The following NOL4 variants were observed in gnomAD, a reference collection of about 807,000 sequenced individuals.
The protein encoded by NOL4 is cancer/testis antigen 125.
In NOL4, 17 loss-of-function variants were observed where a neutral mutation model predicts 75.9. The observed-to-expected ratio is 0.22, with a 90% CI of 0.15 to 0.34. The LOEUF is 0.34. NOL4 is among the 10% of genes least tolerant of loss of function. The pLI is 1.00. For missense variants in NOL4, 614 were observed against 793.5 expected, an observed-to-expected ratio of 0.77 and a Z score of 2.72; for synonymous variants, 292 against 289.9, an observed-to-expected ratio of 1.01 and a Z score of -0.07.
At chr18:33,953,807 A>G (rs2069429099) in intron 8 of NOL4, among the ~76,000 whole-genome samples, 1 of 152,194 alleles carries the variant, frequency 6.6e-6, no homozygotes, top group Non-Finnish European at 1.5e-5. Context: ...GTACTTTGAG[A>G]ATAGGACACT....
At chr18:33,882,795 T>C (rs1382580591) in intron 10 of NOL4, among the ~76,000 whole-genome samples, 1 of 151,942 alleles carries the variant, frequency 6.6e-6, no homozygotes, top group African/African-American at 2.4e-5. Flanking sequence ...AGCAAAGAAT[T>C]GGAACCAACC....
chr18:34,103,879 G>T (rs2079149257), intron 4 of NOL4, among the ~76,000 whole-genome samples, 168 bp downstream of exon 4: 1 of 152,002 alleles, frequency 6.6e-6, no homozygotes, highest in African/African-American at 2.4e-5. Flanking sequence ...CTGTATTGTG[G>T]ACTAGGAGTT....
chr18:34,028,622 G>T (rs1031130237), intron 5 of NOL4, among the ~76,000 whole-genome samples: 12 of 152,134 alleles, frequency 7.9e-5, no homozygotes, highest in Non-Finnish European at 1.6e-4. Flanking sequence ...TTCATCTCTT[G>T]GAATTTGAAC....
chr18:33,863,357 C>T (rs1237039547), intron 10 of NOL4, among the ~76,000 whole-genome samples: 5 of 152,022 alleles, frequency 3.3e-5, no homozygotes, highest in African/African-American at 1.2e-4. Flanking sequence ...ACCAGCATGT[C>T]ACATGTATAC....
chr18:34,014,851 C>A (rs985350448), intron 6 of NOL4, among the ~76,000 whole-genome samples: 7 of 152,006 alleles, frequency 4.6e-5, no homozygotes, highest in Non-Finnish European at 1.0e-4. Flanking sequence ...ATGACATAGT[C>A]CAACTCAACT....
At chr18:33,928,558 C>T (rs2067484438) in intron 9 of NOL4, among the ~76,000 whole-genome samples, 1 of 152,122 alleles carries the variant, frequency 6.6e-6, no homozygotes, top group Non-Finnish European at 1.5e-5. Context: ...AAGCCATCTA[C>T]ATGTCTCACA....
chr18:34,021,841 C>T (rs989754736), intron 5 of NOL4, among the ~76,000 whole-genome samples: 6 of 151,932 alleles, frequency 3.9e-5, no homozygotes, highest in African/African-American at 9.7e-5. Context: ...ACAGGCTGGG[C>T]GCGGTGGCTC....
At chr18:33,910,323 C>A (rs2066321016) in intron 9 of NOL4, among the ~76,000 whole-genome samples, 1 of 152,076 alleles carries the variant, frequency 6.6e-6, no homozygotes, top group Non-Finnish European at 1.5e-5. Context: ...TCTAGGGTTT[C>A]AAATCAGTGA....
At chr18:34,126,420 A>G (rs115420661) in intron 2 of NOL4, among the ~76,000 whole-genome samples, 1 of 152,294 alleles carries the variant, frequency 6.6e-6, no homozygotes, top group African/African-American at 2.4e-5. Flanking sequence ...AGTAATACAT[A>G]TAAGTTTACA....
intron 9 of NOL4, among the ~76,000 whole-genome samples, chr18:33,928,295 C>A (rs2067467899): frequency 6.6e-6 from 1 of 152,090 alleles, no homozygotes; most frequent in Admixed American, 6.6e-5. Context: ...CTACTTGTAT[C>A]CTGCTGATTA....
intron 6 of NOL4, among the ~76,000 whole-genome samples, chr18:33,975,463 C>G (rs1421067845): frequency 6.6e-6 from 1 of 152,198 alleles, no homozygotes; most frequent in Non-Finnish European, 1.5e-5. Flanking sequence ...ACTGAGCTCA[C>G]TATTCACAAT....
intron 6 of NOL4, among the ~76,000 whole-genome samples, chr18:33,995,847 G>A (rs2073243116): frequency 6.6e-6 from 1 of 151,752 alleles, no homozygotes; most frequent in South Asian, 2.1e-4. Flanking sequence ...CCTAGAATAT[G>A]GCCTAATTTG....
At position 34,224,416 on chromosome 18, in the gene NOL4, T is replaced by G. The variant is rs990579333; in HGVS notation, c.-1163A>C. ...CTCTGAGTAGCCAAATATGAGTTCC[T>G]CTGGACTATTTTTCCAAGCAGATGA... On this transcript the variant is annotated 5_prime_UTR_variant, in exon 1 of 11. Coordinates refer to ENST00000261592, the MANE Select transcript of NOL4 (RefSeq NM_003787.5). 1 of 152,284 alleles carries G rather than the reference T, an allele frequency of 6.6e-6. No homozygotes were observed. The highest frequency in any genetic ancestry group is 1.5e-5 in the Non-Finnish European group (1 of 68,138). 9.4% of individuals were successfully genotyped at this position (152,284 alleles called of 1,614,324 possible). A position where few individuals can be genotyped will look rare whatever the true frequency, so the allele number is the denominator to read the frequency against.
chr18:34,148,235 T>G (rs2081492147), intron 1 of NOL4, among the ~76,000 whole-genome samples: 1 of 152,118 alleles, frequency 6.6e-6, no homozygotes, highest in Non-Finnish European at 1.5e-5. Context: ...CTGATCTTTG[T>G]TATCTCTTGT....
At chr18:33,948,537 T>C (rs997575686) in intron 8 of NOL4, among the ~76,000 whole-genome samples, 6 of 152,006 alleles carry the variant, frequency 3.9e-5, no homozygotes, top group African/African-American at 1.4e-4. Flanking sequence ...TATTATTCTA[T>C]AACCAGCTAC....
chr18:34,116,592 C>T (rs1051419178), intron 2 of NOL4, among the ~76,000 whole-genome samples: 1 of 152,132 alleles, frequency 6.6e-6, no homozygotes, highest in Non-Finnish European at 1.5e-5. Context: ...AAAGTTTTTT[C>T]ACATTTTCTT....
intron 5 of NOL4, among the ~76,000 whole-genome samples, chr18:34,020,817 TC>T (rs1003121832): frequency 3.8e-4 from 58 of 152,286 alleles, no homozygotes; most frequent in African/African-American, 1.3e-3. Context: ...CTTAATTTTA[TC>T]TTATATGATA....
intron 6 of NOL4, among the ~76,000 whole-genome samples, chr18:33,979,257 TA>T (rs2071751239): frequency 6.6e-6 from 1 of 151,936 alleles, no homozygotes; most frequent in Non-Finnish European, 1.5e-5. Flanking sequence ...CATTCCCCTT[TA>T]GAGGTAGTAA....
At chr18:33,887,875 A>T (rs977107148) in intron 9 of NOL4, among the ~76,000 whole-genome samples, 2 of 152,146 alleles carry the variant, frequency 1.3e-5, no homozygotes, top group African/African-American at 2.4e-5. Context: ...TGCCGCAATA[A>T]ACATACGTGT....
Sources: gnomAD v4.1 joint callset for allele counts (sites outside exome capture counted in the v4.1 genomes callset) on GRCh38, gnomAD v4.1.1 for gene constraint, MANE v1.5 for transcripts, NCBI Gene and HGNC (gene_info 2026-07-23, HGNC 2026-07-21) for gene names.